Variants in SFTPC observed in about 807,000 individuals in gnomAD.
SFTPC encodes the protein BRICHOS domain containing 6.
SFTPC carries 12 observed loss-of-function variants against 19.9 expected under a neutral mutation model. The ratio of observed to expected loss-of-function variants is 0.60; its 90% CI spans 0.39 to 0.98. SFTPC has a LOEUF of 0.98. Among genes scored for constraint, SFTPC ranks in the 50% least tolerant of loss-of-function variants. The pLI is 0.00. For synonymous variants in SFTPC, 123 were observed against 103.3 expected (o/e 1.19, Z -1.16); for missense variants, 219 against 252.2 (o/e 0.87, Z 0.89).
Position 22,163,096 on chromosome 8 carries a change from T to C in SFTPC, c.218T>C (p.Ile73Thr), listed in dbSNP as rs121917834. Residue 73 changes from isoleucine (I) to threonine (T), a missense_variant, in exon 3 of 6, where the codon ATT (isoleucine) becomes ACT (threonine). Physicochemically the swap from Ile to Thr is moderately conservative, Grantham distance 89 (BLOSUM62 -1). Coordinates refer to ENST00000679463, the MANE Select transcript of SFTPC (RefSeq NM_001317778.2). Reference protein sequence around the residue: ...KHTEMVLEMSIGAPEAQQRLA... With the variant: ...KHTEMVLEMSTGAPEAQQRLA... Reference sequence around the variant, plus strand: ...TTTCCCCAGGTTCTGGAGATGAGCATTGGGGCGCCGGAAGCCCAGCAACGC... The same window carrying C: ...TTTCCCCAGGTTCTGGAGATGAGCACTGGGGCGCCGGAAGCCCAGCAACGC... 2.5e-6 allele frequency: 4 copies of C among 1,614,090 alleles called. No homozygotes were observed. Among genetic ancestry groups the C allele is most frequent in the Non-Finnish European group, 3.4e-6 (4 of 1,179,980 alleles).
Position 22,163,936 on chromosome 8 carries a change from G to A in SFTPC, c.471G>A (p.Gln157=), listed in dbSNP as rs1827902004. ...KPAVPTSKLG[Q]AEGRDAGSAP... ...CAGTGCCTACGTCTAAGCTGGGCCAGGCAGAGGGGCGAGATGCAGGCTCAG... is the reference window on the plus strand; with the variant it reads ...CAGTGCCTACGTCTAAGCTGGGCCAAGCAGAGGGGCGAGATGCAGGCTCAG... Residue 157 remains glutamine (Q), a synonymous_variant, in exon 5 of 6, where the codon CAG becomes CAA. Transcript: ENST00000679463. 6.2e-7 allele frequency: 1 copy of A among 1,613,866 alleles called. No individual in the cohort carries two copies. The highest frequency in any genetic ancestry group is 8.5e-7 in the Non-Finnish European group (1 of 1,180,038).
At chr8:22,161,407 C>A (rs1352551027), upstream of SFTPC, among the ~76,000 whole-genome samples, 2 of 152,192 alleles carry the variant, frequency 1.3e-5, no homozygotes, top group Non-Finnish European at 2.9e-5. Context: ...TCTAGAAATT[C>A]TGCTGGGAAA....
In SFTPC at chr8:22,163,896, T is replaced by C; in HGVS notation, c.436-5T>C. On this transcript the variant is annotated splice_region_variant and splice_polypyrimidine_tract_variant and intron_variant, in intron 4 of 5. Transcript: ENST00000679463. ...CCTACATTCCAGATGGAATGCTCTC[T>C]GCAGGCCAAGCCCGCAGTGCCTACG... is the stretch of plus-strand genomic sequence containing the variant. The C allele has an allele frequency of 2.5e-6, 4 of 1,613,262 alleles. No homozygotes were observed. Among genetic ancestry groups the C allele is most frequent in the Non-Finnish European group, 3.4e-6 (4 of 1,179,398 alleles).
chr8:22,157,733 A>G (rs1299225866), upstream of SFTPC: 1 of 152,194 alleles, frequency 6.6e-6, no homozygotes, highest in Non-Finnish European at 1.5e-5. Context: ...ACTTCTATGA[A>G]GCTCCAAATT....
chr8:22,161,146 A>C (rs182134990), upstream of SFTPC, among the ~76,000 whole-genome samples: 3 of 152,352 alleles, frequency 2.0e-5, no homozygotes, highest in East Asian at 5.8e-4. Flanking sequence ...AGAGCTTGCC[A>C]CCAGTGGGGA....
chr8:22,164,133 G>A, intron 5 of SFTPC, 74 bp downstream of exon 5: 3 of 1,587,750 alleles, frequency 1.9e-6, no homozygotes, highest in South Asian at 1.1e-5. Flanking sequence ...AGGAGCGCTC[G>A]CGCTGACCAG....
At chr8:22,164,186 G>A in intron 5 of SFTPC, 80 bp from the exon 6 acceptor site, 1 of 1,536,708 alleles carries the variant, frequency 6.5e-7, no homozygotes, top group Non-Finnish European at 8.7e-7. Flanking sequence ...AGGCAACTCG[G>A]GGGAGGGGAA....
At chr8:22,158,271 T>C (rs764242151), upstream of SFTPC, among the ~76,000 whole-genome samples, 1 of 152,232 alleles carries the variant, frequency 6.6e-6, no homozygotes, top group African/African-American at 2.4e-5. Flanking sequence ...GCCCCTGCCC[T>C]TTGATGTCTC....
upstream of SFTPC, chr8:22,161,662 GGGC>G: frequency 6.3e-7 from 1 of 1,594,034 alleles, no homozygotes; most frequent in Non-Finnish European, 8.5e-7. Context: ...GGGCTTATCT[GGGC>G]TTCGGTTCTG....
At chr8:22,163,826 C>T (rs1827888839) in intron 4 of SFTPC, 75 bp from the exon 5 acceptor site, 1 of 1,346,464 alleles carries the variant, frequency 7.4e-7, no homozygotes, top group East Asian at 2.3e-5. Context: ...CCTGATATAC[C>T]TGAAGTCCCA....
intron 4 of SFTPC, 167 bp downstream of exon 4, chr8:22,163,713 T>C: frequency 2.5e-6 from 2 of 801,036 alleles, no homozygotes; most frequent in Non-Finnish European, 4.3e-6. Flanking sequence ...CCCACCCCAC[T>C]GCCAAGCTGC....
intron 1 of SFTPC, 118 bp from the exon 2 acceptor site, chr8:22,162,456 C>T (rs1827777686): frequency 1.8e-6 from 2 of 1,123,210 alleles, no homozygotes. Context: ...CCCTGTCCAT[C>T]CATCGCATCG....
Position 22,164,339 on chromosome 8 carries a change from G to A in SFTPC, c.*92G>A, listed in dbSNP as rs1827945253. ...TTTTGCAGCTTTTGCAGACGGGCAA[G>A]AAGCTGCTTCTGCCCACACCGCAGG... On this transcript the variant is annotated 3_prime_UTR_variant, in exon 6 of 6. Transcript: ENST00000679463. 6.5e-7 allele frequency: 1 copy of A among 1,536,162 alleles called. No individual in the cohort carries two copies. The highest frequency in any genetic ancestry group is 8.7e-7 in the Non-Finnish European group (1 of 1,146,904).
Position 22,162,781 on chromosome 8 carries a change from C to A in SFTPC, c.201+49C>A, listed in dbSNP as rs2070684. On this transcript the variant is annotated intron_variant, in intron 2 of 5. Transcript: ENST00000679463. ...AGTGGGCACAGGACATGCCAGACAG[C>A]GGGGCTAGGTGGGATGGGCGATAGG... 1,395,766 of 1,610,100 alleles carry A rather than the reference C, an allele frequency of 0.87. 616,032 individuals are homozygous for A. The highest frequency in any genetic ancestry group is 0.91 in the Non-Finnish European group (1,075,248 of 1,177,380).
At chr8:22,164,216 C>A in intron 5 of SFTPC, 50 bp from the exon 6 acceptor site, 7 of 1,516,200 alleles carry the variant, frequency 4.6e-6, no homozygotes, top group South Asian at 3.6e-5. Context: ...CCGGTACTTC[C>A]CACTCCCCTG....
chr8:22,158,555 G>C (rs193134080), upstream of SFTPC: 2 of 152,394 alleles, frequency 1.3e-5, no homozygotes, highest in East Asian at 3.9e-4. Flanking sequence ...AACAGACAAA[G>C]AGGGTGAGTC....
At chr8:22,159,450 G>A (rs887611648), upstream of SFTPC, 3 of 320,800 alleles carry the variant, frequency 9.4e-6, no homozygotes, top group Non-Finnish European at 1.2e-5. Flanking sequence ...CCAGCTAAAG[G>A]TCCTTCTGTG....
upstream of SFTPC, chr8:22,158,798 T>A (rs1045023347): frequency 6.6e-6 from 1 of 152,232 alleles, no homozygotes; most frequent in Non-Finnish European, 1.5e-5. Context: ...CTCCACATAC[T>A]GAAGGCATGG....
upstream of SFTPC, chr8:22,161,634 C>T: frequency 6.4e-7 from 1 of 1,556,892 alleles, no homozygotes; most frequent in Non-Finnish European, 8.7e-7. Context: ...GCCAAGGGCC[C>T]TTGGGGGCTC....
Sources: allele counts gnomAD v4.1 joint callset (sites outside exome capture counted in the v4.1 genomes callset), GRCh38; gene constraint gnomAD v4.1.1; transcripts MANE v1.5; gene names NCBI Gene and HGNC (gene_info 2026-07-23, HGNC 2026-07-21).